HGFAC: variants seen among roughly 807,000 people sequenced by gnomAD.
HGFAC encodes the protein HGF activator.
HGFAC carries 76 observed loss-of-function variants against 70.6 expected under a neutral mutation model. The ratio of observed to expected loss-of-function variants is 1.08; its 90% CI spans 0.89 to 1.30. The LOEUF (loss-of-function observed/expected upper bound fraction) is 1.30, where lower values mean the gene tolerates loss of function less well. Among genes scored for constraint, HGFAC ranks in the 50% most tolerant of loss-of-function variants. The probability of loss-of-function intolerance (pLI) is 0.00; values close to 1 mark genes in which losing one functional copy is unlikely to be tolerated. For missense variants in HGFAC, 1,044 were observed against 933.7 expected (o/e 1.12, Z -1.54); for synonymous variants, 464 against 405.3 (o/e 1.14, Z -1.74).
At position 3,442,826 on chromosome 4, in the gene HGFAC, G is replaced by A. The variant is rs773443731; in HGVS notation, c.212G>A (p.Ser71Asn). The part of the protein sequence containing the change: ...TSVTSETPAT[S>N]APEAEGPQSG... Reference sequence around the variant, plus strand: ...GTGACCTCTGAGACCCCAGCAACAAGTGCTCCAGAGGCAGAGGGACCCCAA... The same window carrying A: ...GTGACCTCTGAGACCCCAGCAACAAATGCTCCAGAGGCAGAGGGACCCCAA... Residue 71 changes from serine (S) to asparagine (N), a missense_variant, in exon 2 of 14, where the codon AGT becomes AAT. Physicochemically the swap from Ser to Asn is conservative, Grantham distance 46 (BLOSUM62 1). Coordinates refer to ENST00000382774, the MANE Select transcript of HGFAC (RefSeq NM_001528.4). The A allele has an allele frequency of 1.9e-5, 31 of 1,591,588 alleles. No homozygotes were observed. The highest frequency in any genetic ancestry group is 1.9e-5 in the Non-Finnish European group (22 of 1,170,890).
intron 9 of HGFAC, 198 bp from the exon 10 acceptor site, chr4:3,445,844 C>T: frequency 1.3e-6 from 2 of 1,529,594 alleles, no homozygotes; most frequent in Non-Finnish European, 1.8e-6. Flanking sequence ...CTCACAGAGC[C>T]TCGGGATCGG....
rs745547345 is a variant in HGFAC, at chr4:3,446,208, C to T, written c.1269C>T (p.Ala423=). The T allele has an allele frequency of 1.5e-5, 24 of 1,611,140 alleles. No individual in the cohort carries two copies. The Admixed American group carries it at 1.5e-4, about 10-fold the overall frequency. The change falls in exon 10 of 14, where the codon GCC becomes GCT. Residue 423 remains alanine, a synonymous_variant. Coordinates refer to ENST00000382774, the MANE Select transcript of HGFAC (RefSeq NM_001528.4). ...SSLPGSHPWL[A]AIYIGDSFCA... is the part of the protein sequence containing the mutation. ...TGCCCGGCTCGCACCCCTGGCTGGCCGCCATCTACATCGGGGACAGCTTCT... is the reference window on the plus strand; with the variant it reads ...TGCCCGGCTCGCACCCCTGGCTGGCTGCCATCTACATCGGGGACAGCTTCT...
Position 3,444,118 on chromosome 4 carries a change from C to A in HGFAC, c.555C>A (p.His185Gln). ...ATACCCAGGACCCCCAGTCCTATCA[C>A]TGCAGCTGCCCCCGGGCCTTCACCG... The part of the protein sequence containing the change: ...CSNTQDPQSY[H>Q]CSCPRAFTGK... The change falls in exon 5 of 14, where the codon CAC becomes CAA. Residue 185 changes from histidine (H) to glutamine (Q), a missense_variant. Transcript: ENST00000382774. 1 of 1,612,074 alleles carries A rather than the reference C, an allele frequency of 6.2e-7. No homozygotes were observed. Among genetic ancestry groups the A allele is most frequent in the Non-Finnish European group, 8.5e-7 (1 of 1,179,618 alleles).
intron 4 of HGFAC, among the ~76,000 whole-genome samples, chr4:3,443,805 G>A (rs1309175509): frequency 6.6e-6 from 1 of 152,090 alleles, no homozygotes; most frequent in Non-Finnish European, 1.5e-5. Flanking sequence ...AGGCTTCCAG[G>A]AAGCCACGTG....
rs371586739 is a variant in HGFAC, at chr4:3,449,456, G to A, written c.*37G>A. The A allele has an allele frequency of 5.4e-6, 8 of 1,488,140 alleles. No individual in the cohort carries two copies. In the African/African-American group the frequency reaches 5.7e-5, roughly 11 times the overall value. The allele number at this position is 1,488,140 out of a possible 1,614,324, so 92.2% of individuals were successfully genotyped here. The stretch of plus-strand genomic sequence containing the variant: ...GACACCCTGGTTCCCACCATTCCCT[G>A]CCTTGCTGACAATAAAGATATTTCC... On this transcript the variant is annotated 3_prime_UTR_variant, in exon 14 of 14. Transcript: ENST00000382774.
intron 1 of HGFAC, among the ~76,000 whole-genome samples, chr4:3,442,522 G>C (rs566549799): frequency 6.6e-6 from 1 of 152,336 alleles, no homozygotes; most frequent in Non-Finnish European, 1.5e-5. Flanking sequence ...GGCCTGGGCA[G>C]TGACCCTGAG....
At chr4:3,444,269 C>A in intron 5 of HGFAC, 42 bp from the exon 6 acceptor site, 1 of 1,568,424 alleles carries the variant, frequency 6.4e-7, no homozygotes, top group Non-Finnish European at 8.6e-7. Flanking sequence ...TGCACGGGGA[C>A]AGCAGGTGGC....
chr4:3,445,067 C>A (rs1725455149), intron 8 of HGFAC, 74 bp downstream of exon 8: 2 of 1,450,860 alleles, frequency 1.4e-6, no homozygotes, highest in Non-Finnish European at 1.8e-6. Context: ...CCCCCCGGCT[C>A]CCTAGGACCC....
rs750501405 is a variant in HGFAC at position 3,447,574 on chromosome 4, G to A, written c.1438G>A (p.Glu480Lys). ...GGACGTGACGCAGACCTTCGGCATC[G>A]AGAAGTACATCCCGTACACCCTGTA... ...TTDVTQTFGI[E>K]KYIPYTLYSV... The change falls in exon 11 of 14, where the codon GAG becomes AAG. Residue 480 changes from glutamate (E) to lysine (K), a missense_variant. Physicochemically the swap from Glu to Lys is moderately conservative, Grantham distance 56. Transcript: ENST00000382774. 6 of 1,612,578 alleles carry A rather than the reference G, an allele frequency of 3.7e-6. No homozygotes were observed. The highest frequency in any genetic ancestry group is 2.2e-5 in the East Asian group (1 of 44,894).
intron 4 of HGFAC, 23 bp from the exon 5 acceptor site, chr4:3,444,016 C>G (rs1156933691): frequency 1.0e-5 from 16 of 1,558,830 alleles, no homozygotes; most frequent in Non-Finnish European, 1.4e-5. Context: ...CCGCCCCTCA[C>G]ACCCCCTCCC....
intron 10 of HGFAC, among the ~76,000 whole-genome samples, chr4:3,446,849 G>T (rs555976333): frequency 6.6e-6 from 1 of 152,220 alleles, no homozygotes; most frequent in African/African-American, 2.4e-5. Flanking sequence ...ATTAGGGGCA[G>T]GGGTCCGGCC....
rs779920273 is a variant in HGFAC, at chr4:3,445,257, C to T, written c.1017-8C>T. On this transcript the variant is annotated splice_polypyrimidine_tract_variant and splice_region_variant and intron_variant, in intron 8 of 13. Coordinates refer to ENST00000382774, the MANE Select transcript of HGFAC (RefSeq NM_001528.4). Reference sequence around the variant, plus strand: ...GACTCCCTGCCAGCCCCCACTTATGCACCGCAGGAATCCGGACAATGACGA... The same window carrying T: ...GACTCCCTGCCAGCCCCCACTTATGTACCGCAGGAATCCGGACAATGACGA... 5.1e-6 allele frequency: 8 copies of T among 1,564,858 alleles called. No homozygotes were observed. Among genetic ancestry groups the T allele is most frequent in the Non-Finnish European group, 6.9e-6 (8 of 1,155,078 alleles).
chr4:3,445,096 C>A, intron 8 of HGFAC, 103 bp downstream of exon 8: 1 of 1,363,974 alleles, frequency 7.3e-7, no homozygotes, highest in East Asian at 2.5e-5. Context: ...CCAGCTCCGT[C>A]CAGACAGGCC....
At chr4:3,447,814 A>G (rs926235443) in intron 11 of HGFAC, 81 bp from the exon 12 acceptor site, 1 of 1,561,766 alleles carries the variant, frequency 6.4e-7, no homozygotes, top group South Asian at 1.2e-5. Flanking sequence ...CCCACTGGCT[A>G]CCCTCCCTCC....
chr4:3,447,526 C>T lies in HGFAC; in HGVS notation c.1390C>T (p.Gln464Ter), dbSNP rs1455028816. The T allele has an allele frequency of 1.9e-6, 3 of 1,612,662 alleles. No homozygotes were observed. Residue 464 changes from glutamine to a stop codon, truncating the protein, a stop_gained, in exon 11 of 14, where the codon CAG becomes TAG. Transcript: ENST00000382774. LOFTEE classifies it high-confidence loss of function. ...PRDSVSVVLG[Q>*]HFFNRTTDVT... ...GGACAGCGTCTCCGTGGTGCTGGGC[C>T]AGCACTTCTTCAACCGCACGACGGA...
At chr4:3,446,370 A>G (rs1157870252) in intron 10 of HGFAC, 76 bp downstream of exon 10, 2 of 1,509,764 alleles carry the variant, frequency 1.3e-6, no homozygotes, top group East Asian at 4.8e-5. Flanking sequence ...GCCTGTCCCC[A>G]CCCGCTTGCG....
In HGFAC at chr4:3,447,570, C is replaced by G. The variant is rs1175293503; in HGVS notation, c.1434C>G (p.Gly478=). ...CGACGGACGTGACGCAGACCTTCGG[C>G]ATCGAGAAGTACATCCCGTACACCC... The part of the protein sequence containing the change: ...NRTTDVTQTF[G]IEKYIPYTLY... Residue 478 remains glycine (G), a synonymous_variant, in exon 11 of 14, where the codon GGC becomes GGG. Transcript: ENST00000382774. The G allele has an allele frequency of 1.9e-6, 3 of 1,612,688 alleles. No homozygotes were observed. Among genetic ancestry groups the G allele is most frequent in the Non-Finnish European group, 2.5e-6 (3 of 1,179,900 alleles).
upstream of HGFAC, among the ~76,000 whole-genome samples, chr4:3,441,293 G>C (rs74466518): frequency 6.6e-6 from 1 of 152,142 alleles, no homozygotes; most frequent in Non-Finnish European, 1.5e-5. The surrounding 1 kb of genome is among the most constrained non-coding windows in gnomAD (Gnocchi z 6.0). Flanking sequence ...GGTCTGTCTG[G>C]GAGACGGGGA....
Position 3,444,879 on chromosome 4 carries a change from C to G in HGFAC, c.902C>G (p.Ser301Ter). 1 of 1,608,270 alleles carries G rather than the reference C, an allele frequency of 6.2e-7. No homozygotes were observed. Among genetic ancestry groups the G allele is most frequent in the Non-Finnish European group, 8.5e-7 (1 of 1,178,204 alleles). ...GTGYRGVAST[S>*]ASGLSCLAWN... is the part of the protein sequence containing the mutation. ...GGGTACCGTGGCGTGGCCAGCACCT[C>G]AGCCTCGGGCCTCAGCTGCCTGGCC... The change falls in exon 8 of 14, where the codon TCA becomes TGA. Residue 301 changes from serine to a stop codon, truncating the protein, a stop_gained. Transcript: ENST00000382774. LOFTEE classifies it high-confidence loss of function.
Sources: allele counts gnomAD v4.1 joint callset (sites outside exome capture counted in the v4.1 genomes callset), GRCh38; gene constraint gnomAD v4.1.1; non-coding constraint Gnocchi (gnomAD v3.1); transcripts MANE v1.5; gene names NCBI Gene and HGNC (gene_info 2026-07-23, HGNC 2026-07-21).